CACNA1A: variants seen among roughly 807,000 people sequenced by gnomAD.
The protein encoded by CACNA1A is calcium voltage-gated channel subunit alpha1 A, also known as voltage-dependent P/Q-type calcium channel subunit alpha-1A.
In CACNA1A, 57 loss-of-function variants were observed where a neutral mutation model predicts 262.4. The ratio of observed to expected loss-of-function variants is 0.22; its 90% CI spans 0.18 to 0.27. The LOEUF (loss-of-function observed/expected upper bound fraction) is 0.27. Ranked by LOEUF, CACNA1A falls within the 10% of genes least tolerant of loss-of-function variation. The pLI, the probability that CACNA1A is intolerant of heterozygous loss-of-function variation, is 1.00. For missense variants in CACNA1A, 2,526 were observed against 3,562.8 expected (o/e 0.71, Z 7.41); for synonymous variants, 1,431 against 1,419.3 (o/e 1.01, Z -0.18).
chr19:13,473,252 C>CA (rs749694968), intron 1 of CACNA1A, among the ~76,000 whole-genome samples: 35,660 of 99,240 alleles, frequency 0.36, 5,081 homozygotes, highest in African/African-American at 0.47. Context: ...GAGGCCCTGA[C>CA]AAAAAAAAAA....
chr19:13,287,116 C>A (rs1392811439), intron 19 of CACNA1A, 150 bp from the exon 20 acceptor site: 1 of 654,476 alleles, frequency 1.5e-6, no homozygotes, highest in East Asian at 2.9e-5. Flanking sequence ...CTTTGGGAAG[C>A]GGAGGCAGGA....
chr19:13,367,910 C>T (rs563487737), intron 4 of CACNA1A, among the ~76,000 whole-genome samples: 3 of 152,196 alleles, frequency 2.0e-5, no homozygotes, highest in African/African-American at 4.8e-5. Flanking sequence ...TCATTCATGG[C>T]GGCTGAATTA....
chr19:13,438,358 G>A (rs1428411784), intron 3 of CACNA1A, among the ~76,000 whole-genome samples: 3 of 152,226 alleles, frequency 2.0e-5, no homozygotes, highest in Non-Finnish European at 4.4e-5. Flanking sequence ...TGGCCAACAC[G>A]ATGTTGTGCC....
rs769516731 is a variant in CACNA1A, at chr19:13,227,415, G to A, written c.5625+16C>T. ...ACCCAGTGCCTGGACGTCGGTGGTC[G>A]GCAAGGGTAGTCTACCTTGTAAGCC... On this transcript the variant is annotated intron_variant, in intron 37 of 46. Coordinates refer to ENST00000360228, the MANE Select transcript of CACNA1A (RefSeq NM_001127222.2). 1.6e-5 allele frequency: 24 copies of A among 1,475,156 alleles called. No homozygotes were observed. The highest frequency in any genetic ancestry group is 2.4e-5 in the East Asian group (1 of 42,532). 91.4% of individuals were successfully genotyped at this position (1,475,156 alleles called of 1,614,324 possible). A position where few individuals can be genotyped will look rare whatever the true frequency, so the allele number is the denominator to read the frequency against.
chr19:13,215,011 TG>T (rs56285105), intron 38 of CACNA1A: 2,492 of 142,270 alleles, frequency 0.018, 36 homozygotes, highest in African/African-American at 0.043. Context: ...TGTGTGTGTG[TG>T]TTTTTTTTTT....
intron 28 of CACNA1A, among the ~76,000 whole-genome samples, chr19:13,255,622 C>A (rs750451808): frequency 6.6e-6 from 1 of 152,010 alleles, no homozygotes; most frequent in East Asian, 1.9e-4. Flanking sequence ...ACCGAGTGTG[C>A]CAAATCAAAT....
chr19:13,220,637 A>G (rs1423965731), intron 38 of CACNA1A, among the ~76,000 whole-genome samples: 1 of 152,112 alleles, frequency 6.6e-6, no homozygotes, highest in Non-Finnish European at 1.5e-5. Context: ...TCTGACCTAC[A>G]GGACTGTGAG....
At chr19:13,440,571 C>A (rs753732077) in intron 3 of CACNA1A, among the ~76,000 whole-genome samples, 3 of 152,108 alleles carry the variant, frequency 2.0e-5, no homozygotes, top group Non-Finnish European at 2.9e-5. Context: ...TTATTCTGTG[C>A]CAGTTTTTGT....
chr19:13,457,275 C>T (rs766219440), intron 1 of CACNA1A, among the ~76,000 whole-genome samples: 4 of 151,848 alleles, frequency 2.6e-5, no homozygotes, highest in Non-Finnish European at 4.4e-5. Flanking sequence ...ACAAAAACAA[C>T]AACAACAAAA....
chr19:13,450,545 T>G (rs546088934), intron 3 of CACNA1A: 1 of 152,340 alleles, frequency 6.6e-6, no homozygotes, highest in African/African-American at 2.4e-5. Flanking sequence ...TCTCCATCAG[T>G]AGACTCTCAG....
In CACNA1A at chr19:13,497,517, AAAAAATATATATATATATATATATATAT is replaced by A. The variant is rs1981765545; in HGVS notation, c.293+8387_293+8414del. Among the ~76,000 whole-genome samples, 7 of 27,530 alleles carry A rather than the reference AAAAAATATATATATATATATATATATAT, an allele frequency of 2.5e-4. 1 individual carries two copies. Among genetic ancestry groups the A allele is most frequent in the South Asian group, 1.9e-3 (1 of 518 alleles). The allele number at this position is 27,530 out of a possible 152,430, so 18.1% of individuals were successfully genotyped here. The stretch of plus-strand genomic sequence containing the variant: ...AAAAAAAAAAAAAAAAAAAAAAAAA[AAAAAATATATATATATATATATATATAT>A]ATATATATATATATATATATATATA... On this transcript the variant is annotated intron_variant, in intron 1 of 46. Transcript: ENST00000360228.
chr19:13,335,898 G>A lies in CACNA1A; in HGVS notation c.990C>T (p.Ala330=). Reference sequence around the variant, plus strand: ...ACAACCAGTTCCAAGTGTTCCCTGAGGCATCGTTGCTCTGTAGGGTGTGAG... The same window carrying A: ...ACAACCAGTTCCAAGTGTTCCCTGAAGCATCGTTGCTCTGTAGGGTGTGAG... ...WTDLLYNSND[A]SGNTWNWLYF... The change falls in exon 7 of 47, where the codon GCC becomes GCT. Residue 330 remains alanine (A), a synonymous_variant. Coordinates refer to ENST00000360228, the MANE Select transcript of CACNA1A (RefSeq NM_001127222.2). The A allele has an allele frequency of 2.5e-6, 4 of 1,601,682 alleles. No individual in the cohort carries two copies. Among genetic ancestry groups the A allele is most frequent in the South Asian group, 1.1e-5 (1 of 88,912 alleles).
At chr19:13,251,921 C>T (rs907930305) in intron 30 of CACNA1A, among the ~76,000 whole-genome samples, 1 of 151,390 alleles carries the variant, frequency 6.6e-6, no homozygotes, top group African/African-American at 2.4e-5. Flanking sequence ...CCCACAAGCA[C>T]GCCAGGCTAA....
chr19:13,342,451 AT>A (rs1387264526), intron 6 of CACNA1A, among the ~76,000 whole-genome samples: 1 of 152,142 alleles, frequency 6.6e-6, no homozygotes, highest in Non-Finnish European at 1.5e-5. Context: ...AAATTCATTA[AT>A]ATTGGGAAGG....
At chr19:13,305,928 T>C (rs2057892921) in intron 15 of CACNA1A, among the ~76,000 whole-genome samples, 1 of 151,844 alleles carries the variant, frequency 6.6e-6, no homozygotes, top group Non-Finnish European at 1.5e-5. Flanking sequence ...GGCATGGTAG[T>C]ATGCACCTGT....
In CACNA1A at chr19:13,245,273, G is replaced by A. The variant is rs1057522362; in HGVS notation, c.4867-8C>T. The A allele has an allele frequency of 5.6e-6, 9 of 1,612,514 alleles. No individual in the cohort carries two copies. The highest frequency in any genetic ancestry group is 7.6e-6 in the Non-Finnish European group (9 of 1,178,526). The stretch of plus-strand genomic sequence containing the variant: ...GGCATCGCGGAAATAATTCTAGAAT[G>A]GGGACCCACAAGACAGAGATGCCAA... On this transcript the variant is annotated splice_region_variant and splice_polypyrimidine_tract_variant and intron_variant, in intron 30 of 46. Coordinates refer to ENST00000360228, the MANE Select transcript of CACNA1A (RefSeq NM_001127222.2).
intron 1 of CACNA1A, among the ~76,000 whole-genome samples, chr19:13,491,629 G>C (rs1267078132): frequency 1.3e-5 from 2 of 152,188 alleles, no homozygotes; most frequent in Non-Finnish European, 2.9e-5. Flanking sequence ...CTAAAGCTTG[G>C]AGAGCTTGCA....
chr19:13,342,598 G>C (rs781167803), intron 6 of CACNA1A, among the ~76,000 whole-genome samples: 11 of 152,166 alleles, frequency 7.2e-5, no homozygotes, highest in African/African-American at 9.7e-5. Flanking sequence ...GTCCCTTTGG[G>C]GTTGGCTGAG....
At position 13,207,693 on chromosome 19, in the gene CACNA1A, TG is replaced by T; in HGVS notation, c.7140del (p.Arg2381GlyfsTer227). 4 of 1,390,120 alleles carry T rather than the reference TG, an allele frequency of 2.9e-6. No individual in the cohort carries two copies. Among genetic ancestry groups the T allele is most frequent in the Admixed American group, 3.2e-5 (1 of 31,362 alleles). The allele number at this position is 1,390,120 out of a possible 1,614,324, so 86.1% of individuals were successfully genotyped here. On this transcript the variant is annotated frameshift_variant, in exon 47 of 47. Coordinates refer to ENST00000360228, the MANE Select transcript of CACNA1A (RefSeq NM_001127222.2). LOFTEE classifies it low-confidence loss of function (END_TRUNC). The surrounding 1 kb of genome is among the most constrained non-coding windows in gnomAD (Gnocchi z 5.7). ...CGGGCCCCGCCGTGTCGACAGGCCC[TG>T]GGGGACTCGCTCCGGGCCGGGCCTG... ...RVPGPARSES[P>X]RACRHGGARW...
Sources: gnomAD v4.1 joint callset for allele counts (sites outside exome capture counted in the v4.1 genomes callset) on GRCh38, gnomAD v4.1.1 for gene constraint, Gnocchi (gnomAD v3.1) non-coding constraint, MANE v1.5 for transcripts, NCBI Gene and HGNC (gene_info 2026-07-23, HGNC 2026-07-21) for gene names.